Variants in ETFRF1 observed in about 807,000 individuals in gnomAD.
The protein encoded by ETFRF1 is LYR motif containing 5.
In ETFRF1, 12 loss-of-function variants were observed where a neutral mutation model predicts 9.0. That is an observed-to-expected ratio of 1.34 (90% confidence interval 0.86 to 2.16). ETFRF1 has a LOEUF of 2.16. ETFRF1 is among the 30% of genes most tolerant of loss of function. The probability of loss-of-function intolerance (pLI) is 0.00; values close to 1 mark genes in which losing one functional copy is unlikely to be tolerated. For missense variants in ETFRF1, 98 were observed against 101.8 expected (o/e 0.96, Z 0.16); for synonymous variants, 34 against 33.2 (o/e 1.02, Z -0.08).
At chr12:25,199,179 A>G (rs1400278940) in intron 1 of ETFRF1, among the ~76,000 whole-genome samples, 2 of 150,442 alleles carry the variant, frequency 1.3e-5, no homozygotes, top group Non-Finnish European at 3.0e-5. Flanking sequence ...TATATGTGCT[A>G]TAATATATAC....
chr12:25,199,691 T>C (rs1951059654), intron 1 of ETFRF1, among the ~76,000 whole-genome samples: 4 of 150,590 alleles, frequency 2.7e-5, no homozygotes, highest in Admixed American at 2.0e-4. Flanking sequence ...ATATCCACTA[T>C]CCACAAAGGT....
intron 1 of ETFRF1, among the ~76,000 whole-genome samples, chr12:25,199,456 G>C (rs1048795970): frequency 6.7e-6 from 1 of 149,802 alleles, no homozygotes; most frequent in Non-Finnish European, 1.5e-5. Context: ...AAAATGGCTG[G>C]CTACCTCTGT....
chr12:25,195,482 G>T (rs530563678), intron 1 of ETFRF1, 145 bp downstream of exon 1: 2 of 355,566 alleles, frequency 5.6e-6, no homozygotes, highest in East Asian at 6.6e-5. Context: ...TTCCTAGAGT[G>T]TGTTGGGTCT....
At chr12:25,198,412 G>A (rs1951048233) in intron 1 of ETFRF1, among the ~76,000 whole-genome samples, 2 of 152,106 alleles carry the variant, frequency 1.3e-5, no homozygotes, top group South Asian at 4.1e-4. Flanking sequence ...GTGAAGCCCA[G>A]AGTCTATATG....
At chr12:25,199,619 T>TACACAC (rs56221882) in intron 1 of ETFRF1, among the ~76,000 whole-genome samples, 1,541 of 143,648 alleles carry the variant, frequency 0.011, 24 homozygotes, top group African/African-American at 0.032. Context: ...TATGTATACA[T>TACACAC]ACACACACAC....
At chr12:25,199,619 TAC>T (rs56221882) in intron 1 of ETFRF1, among the ~76,000 whole-genome samples, 8,241 of 143,366 alleles carry the variant, frequency 0.057, 462 homozygotes, top group African/African-American at 0.13. Flanking sequence ...TATGTATACA[TAC>T]ACACACACAC....
rs911084510 is a variant in ETFRF1 at position 25,204,217 on chromosome 12, G to A, written c.178G>A (p.Glu60Lys). 2.4e-5 allele frequency: 39 copies of A among 1,612,246 alleles called. No individual in the cohort carries two copies. Among genetic ancestry groups the A allele is most frequent in the South Asian group, 5.5e-5 (5 of 90,612 alleles). ...GATCAAAGAACTTATTGCACAGGGC[G>A]AATTTGTAATGAAAGAGCTAGAAGC... Reference protein sequence around the residue: ...EKIKELIAQGEFVMKELEALY... With the variant: ...EKIKELIAQGKFVMKELEALY... The change falls in exon 3 of 3, where the codon GAA becomes AAA. Residue 60 changes from glutamate to lysine, a missense_variant. Glu to Lys is a moderately conservative substitution (Grantham distance 56). Transcript: ENST00000381356.
chr12:25,200,916 A>C (rs1302395002), intron 1 of ETFRF1, among the ~76,000 whole-genome samples: 2 of 152,238 alleles, frequency 1.3e-5, no homozygotes, highest in African/African-American at 4.8e-5. Context: ...AGCATGACTC[A>C]CATTGATGGC....
Position 25,204,232 on chromosome 12 carries a change from G to C in ETFRF1, c.193G>C (p.Glu65Gln). The change falls in exon 3 of 3, where the codon GAG becomes CAG. Residue 65 changes from glutamate (E) to glutamine (Q), a missense_variant. Glu to Gln is a conservative substitution (Grantham distance 29). Coordinates refer to ENST00000381356, the MANE Select transcript of ETFRF1 (RefSeq NM_001001660.3). Reference protein sequence around the residue: ...LIAQGEFVMKELEALYFLRKY... With the variant: ...LIAQGEFVMKQLEALYFLRKY... ...TGCACAGGGCGAATTTGTAATGAAA[G>C]AGCTAGAAGCTTTGTACTTCCTTAG... 3 of 1,611,908 alleles carry C rather than the reference G, an allele frequency of 1.9e-6. No individual in the cohort carries two copies. The highest frequency in any genetic ancestry group is 1.7e-4 in the Middle Eastern group (1 of 6,042).
chr12:25,200,991 C>T (rs960567366), intron 1 of ETFRF1, among the ~76,000 whole-genome samples: 1 of 152,340 alleles, frequency 6.6e-6, no homozygotes, highest in East Asian at 1.9e-4. Flanking sequence ...TATGCCCAGG[C>T]AAGCCTGGCT....
At chr12:25,203,837 C>CA in intron 1 of ETFRF1, 83 bp from the exon 2 acceptor site, 1 of 739,726 alleles carries the variant, frequency 1.4e-6, no homozygotes, top group Non-Finnish European at 2.0e-6. Context: ...AAAAAGGTTA[C>CA]CATTTTCTCA....
chr12:25,198,065 C>T (rs1014198889), intron 1 of ETFRF1, among the ~76,000 whole-genome samples: 1 of 152,146 alleles, frequency 6.6e-6, no homozygotes, highest in African/African-American at 2.4e-5. Flanking sequence ...GGCACTGAAA[C>T]ACGCACCCTG....
At chr12:25,197,435 GA>G (rs1367830680) in intron 1 of ETFRF1, among the ~76,000 whole-genome samples, 1 of 152,164 alleles carries the variant, frequency 6.6e-6, no homozygotes, top group Non-Finnish European at 1.5e-5. Context: ...TAAATTATGT[GA>G]AAAGAACATG....
chr12:25,201,924 A>G (rs1951076060), intron 1 of ETFRF1, among the ~76,000 whole-genome samples: 1 of 151,970 alleles, frequency 6.6e-6, no homozygotes, highest in South Asian at 2.1e-4. Context: ...AGCCTATTTT[A>G]AAAATATAAG....
At chr12:25,201,586 T>C (rs1951073210) in intron 1 of ETFRF1, among the ~76,000 whole-genome samples, 1 of 151,898 alleles carries the variant, frequency 6.6e-6, no homozygotes, top group African/African-American at 2.4e-5. Flanking sequence ...GGTACCCAGA[T>C]GTATATTTTA....
At chr12:25,202,982 C>T (rs12310501) in intron 1 of ETFRF1, among the ~76,000 whole-genome samples, 4 of 152,068 alleles carry the variant, frequency 2.6e-5, no homozygotes, top group Non-Finnish European at 5.9e-5. Context: ...ATTTTTAGCA[C>T]CCAGACCTTG....
At chr12:25,202,678 A>G (rs1951085128) in intron 1 of ETFRF1, among the ~76,000 whole-genome samples, 1 of 152,120 alleles carries the variant, frequency 6.6e-6, no homozygotes, top group South Asian at 2.1e-4. Flanking sequence ...GAATGGTGAC[A>G]GCAAGAGGAT....
Position 25,204,379 on chromosome 12 carries a change from C to T in ETFRF1, c.*67C>T, listed in dbSNP as rs1400769447. ...GTATACCAGATGTTGTAAAATAATT[C>T]TAACTTAAAATGGGAAGATATACAT... On this transcript the variant is annotated 3_prime_UTR_variant, in exon 3 of 3. Coordinates refer to ENST00000381356, the MANE Select transcript of ETFRF1 (RefSeq NM_001001660.3). The T allele has an allele frequency of 7.7e-7, 1 of 1,302,608 alleles. No homozygotes were observed. The highest frequency in any genetic ancestry group is 1.0e-6 in the Non-Finnish European group (1 of 971,488). 80.7% of individuals were successfully genotyped at this position (1,302,608 alleles called of 1,614,324 possible). A position where few individuals can be genotyped will look rare whatever the true frequency, so the allele number is the denominator to read the frequency against.
At chr12:25,200,198 G>A (rs754285395) in intron 1 of ETFRF1, among the ~76,000 whole-genome samples, 1 of 151,194 alleles carries the variant, frequency 6.6e-6, no homozygotes, top group African/African-American at 2.4e-5. Context: ...TGATAAGAGC[G>A]AAACTCCATG....
Sources: gnomAD v4.1 joint callset for allele counts (sites outside exome capture counted in the v4.1 genomes callset) on GRCh38, gnomAD v4.1.1 for gene constraint, MANE v1.5 for transcripts, NCBI Gene and HGNC (gene_info 2026-07-23, HGNC 2026-07-21) for gene names.